Variants in ZDHHC11B observed in about 807,000 individuals in gnomAD.
The protein encoded by ZDHHC11B is zDHHC palmitoyltransferase 11B (putative).
ZDHHC11B carries 17 observed loss-of-function variants against 42.3 expected under a neutral mutation model. The observed-to-expected ratio is 0.40, with a 90% confidence interval of 0.27 to 0.60. ZDHHC11B has a LOEUF of 0.60. Ranked by LOEUF, ZDHHC11B falls within the 20% of genes least tolerant of loss-of-function variation. The pLI is 0.41. For synonymous variants in ZDHHC11B, 123 were observed against 193.5 expected, an observed-to-expected ratio of 0.64 and a Z score of 3.02; for missense variants, 262 against 463.2, an observed-to-expected ratio of 0.57 and a Z score of 3.99.
At chr5:717,557 A>G (rs368613476) in intron 12 of ZDHHC11B, among the ~76,000 whole-genome samples, 2 of 151,846 alleles carry the variant, frequency 1.3e-5, no homozygotes, top group African/African-American at 4.9e-5. Flanking sequence ...AAATCAAAAC[A>G]GCGTATCCAT....
rs1310377318 is a variant in ZDHHC11B at position 766,722 on chromosome 5, G to A, written c.198C>T (p.His66=). 1 of 1,611,156 alleles carries A rather than the reference G, an allele frequency of 6.2e-7. No homozygotes were observed. Among genetic ancestry groups the A allele is most frequent in the Non-Finnish European group, 8.5e-7 (1 of 1,178,480 alleles). ...CCACATAGGCGATGTATTTCCACGA[G>A]TGAGGCAGGAGGGGAATGAAGATCC... ...TFRIFIPLLP[H]SWKYIAYVVT... Residue 66 remains histidine, a synonymous_variant, in exon 4 of 14, where the codon CAC becomes CAT. Coordinates refer to ENST00000508859, the MANE Select transcript of ZDHHC11B (RefSeq NM_001351303.2).
chr5:726,235 G>A (rs1251088065), intron 12 of ZDHHC11B, among the ~76,000 whole-genome samples: 22 of 151,732 alleles, frequency 1.4e-4, no homozygotes, highest in Admixed American at 4.6e-4. Flanking sequence ...GTGGCAAAGC[G>A]TGACATGATT....
At chr5:716,960 A>G in intron 12 of ZDHHC11B, 95 bp from the exon 13 acceptor site, 4 of 1,566,254 alleles carry the variant, frequency 2.6e-6, no homozygotes. Context: ...ACAAGAGTAC[A>G]TTTTAGAGAT....
intron 9 of ZDHHC11B, among the ~76,000 whole-genome samples, chr5:742,448 A>G (rs1223597779): frequency 8.6e-6 from 1 of 115,726 alleles, no homozygotes; most frequent in African/African-American, 3.0e-5. Flanking sequence ...AGGAATGAAC[A>G]CCTGGCTTTA....
Position 774,496 on chromosome 5 carries a change from G to T in ZDHHC11B, c.-229-5566C>A, listed in dbSNP as rs373731168. Among the ~76,000 whole-genome samples the T allele has an allele frequency of 1.8e-4, 27 of 152,198 alleles. 2 individuals are homozygous for T. Among genetic ancestry groups the T allele is most frequent in the Admixed American group, 1.4e-3 (22 of 15,276 alleles). On this transcript the variant is annotated intron_variant, in intron 1 of 13. Transcript: ENST00000508859. ...CCGGGACCTGTCCCTTGGGCCTGGA[G>T]CCTGTTACTAGGACCTGGGGTCTGT...
chr5:764,199 T>C (rs1321856404), intron 4 of ZDHHC11B, among the ~76,000 whole-genome samples: 1 of 151,916 alleles, frequency 6.6e-6, no homozygotes, highest in African/African-American at 2.4e-5. Flanking sequence ...GACCACGCAG[T>C]GGTGTTGAGA....
In ZDHHC11B at chr5:753,085, G is replaced by A. The variant is rs1156903428; in HGVS notation, c.504-1828C>T. Among the ~76,000 whole-genome samples the A allele has an allele frequency of 7.8e-5, 10 of 128,554 alleles. 3 individuals carry two copies. The highest frequency in any genetic ancestry group is 1.6e-4 in the Non-Finnish European group (9 of 56,972). The allele number at this position is 128,554 out of a possible 152,430, so 84.3% of individuals were successfully genotyped here. ...TTAACCTGCAGAGTCCGAGGCCAGC[G>A]CTCGCAGTCTTCCCAGGACACCAGC... is the stretch of plus-strand genomic sequence containing the variant. On this transcript the variant is annotated intron_variant, in intron 6 of 13. Coordinates refer to ENST00000508859, the MANE Select transcript of ZDHHC11B (RefSeq NM_001351303.2).
intron 4 of ZDHHC11B, among the ~76,000 whole-genome samples, chr5:764,109 ACACCTCCCTGCCTG>A (rs1734969114): frequency 6.6e-6 from 1 of 151,918 alleles, no homozygotes; most frequent in Non-Finnish European, 1.5e-5. Context: ...TCCAGCCCCT[ACACCTCCCTGCCTG>A]CACCACAGCG....
In ZDHHC11B at chr5:766,722, G is replaced by C. The variant is rs1310377318; in HGVS notation, c.198C>G (p.His66Gln). The change falls in exon 4 of 14, where the codon CAC (histidine) becomes CAG (glutamine). Residue 66 changes from histidine (H) to glutamine (Q), a missense_variant. His to Gln is a conservative substitution (Grantham distance 24). Coordinates refer to ENST00000508859, the MANE Select transcript of ZDHHC11B (RefSeq NM_001351303.2). ...CCACATAGGCGATGTATTTCCACGA[G>C]TGAGGCAGGAGGGGAATGAAGATCC... The part of the protein sequence containing the change: ...TFRIFIPLLP[H>Q]SWKYIAYVVT... 3 of 1,611,156 alleles carry C rather than the reference G, an allele frequency of 1.9e-6. No individual in the cohort carries two copies. Among genetic ancestry groups the C allele is most frequent in the Non-Finnish European group, 2.5e-6 (3 of 1,178,480 alleles).
rs372861847 is a variant in ZDHHC11B, at chr5:731,722, G to A, written c.1024-1254C>T. On this transcript the variant is annotated intron_variant, in intron 11 of 13. Coordinates refer to ENST00000508859, the MANE Select transcript of ZDHHC11B (RefSeq NM_001351303.2). ...TAAATGCTTAAAGTCAAATGTATCC[G>A]TTTTGTGAAATAGTGTTTTTGGTAT... Among the ~76,000 whole-genome samples, 123 of 151,976 alleles carry A rather than the reference G, an allele frequency of 8.1e-4. 2 individuals carry two copies. Among genetic ancestry groups the A allele is most frequent in the African/African-American group, 2.7e-3 (112 of 41,340 alleles).
intron 1 of ZDHHC11B, among the ~76,000 whole-genome samples, chr5:777,588 A>G (rs564153122): frequency 1.3e-5 from 2 of 152,056 alleles, no homozygotes; most frequent in African/African-American, 4.8e-5. Flanking sequence ...TTATTCCGTT[A>G]TCTGACCCCA....
intron 6 of ZDHHC11B, among the ~76,000 whole-genome samples, chr5:751,537 G>T: frequency 1.8e-5 from 1 of 55,686 alleles, no homozygotes; most frequent in Admixed American, 2.3e-4. Context: ...GGCATCTGGG[G>T]CAGGGGTGGG....
intron 12 of ZDHHC11B, among the ~76,000 whole-genome samples, chr5:728,133 T>C (rs1742731485): frequency 6.6e-6 from 1 of 151,792 alleles, no homozygotes; most frequent in East Asian, 1.9e-4. Flanking sequence ...CAAGAGGAAC[T>C]GTGAAACAGT....
intron 12 of ZDHHC11B, among the ~76,000 whole-genome samples, chr5:721,375 T>G (rs371504311): frequency 1.3e-4 from 19 of 151,652 alleles, no homozygotes; most frequent in East Asian, 5.8e-4. Context: ...ACATTATATA[T>G]ATAGATAGAT....
chr5:737,073 A>G (rs1158500384), intron 10 of ZDHHC11B, among the ~76,000 whole-genome samples: 1 of 149,554 alleles, frequency 6.7e-6, no homozygotes, highest in African/African-American at 2.5e-5. Flanking sequence ...ACCATTAGCA[A>G]CATTAAGCAA....
At position 776,881 on chromosome 5, in the gene ZDHHC11B, C is replaced by T. The variant is rs547111108; in HGVS notation, c.-230+7787G>A. Among the ~76,000 whole-genome samples the T allele has an allele frequency of 5.9e-5, 9 of 151,998 alleles. No individual in the cohort carries two copies. The South Asian group carries it at 8.3e-4, about 14-fold the overall frequency. Reference sequence around the variant, plus strand: ...GATGGTTCTTGTTTTTCACTATCATCGCACGGCCCTCCTGCTCCGCGGGAC... The same window carrying T: ...GATGGTTCTTGTTTTTCACTATCATTGCACGGCCCTCCTGCTCCGCGGGAC... On this transcript the variant is annotated intron_variant, in intron 1 of 13. Coordinates refer to ENST00000508859, the MANE Select transcript of ZDHHC11B (RefSeq NM_001351303.2).
At chr5:769,509 T>TA (rs1458384573) in intron 1 of ZDHHC11B, among the ~76,000 whole-genome samples, 3 of 151,696 alleles carry the variant, frequency 2.0e-5, no homozygotes, top group Non-Finnish European at 4.4e-5. Flanking sequence ...GCTGGCATGG[T>TA]GGAGCTGGGT....
At chr5:773,362 G>A (rs1736211422) in intron 1 of ZDHHC11B, among the ~76,000 whole-genome samples, 1 of 151,856 alleles carries the variant, frequency 6.6e-6, no homozygotes, top group Non-Finnish European at 1.5e-5. Context: ...TCACCGTGAG[G>A]GAAAAGAAGG....
At position 756,203 on chromosome 5, in the gene ZDHHC11B, C is replaced by T. The variant is rs1158829733; in HGVS notation, c.223-59G>A. 1.7e-4 allele frequency: 254 copies of T among 1,490,688 alleles called. 5 individuals carry two copies. The highest frequency in any genetic ancestry group is 2.2e-4 in the Middle Eastern group (1 of 4,498). The allele number at this position is 1,490,688 out of a possible 1,614,324, so 92.3% of individuals were successfully genotyped here. ...TGGTCAGCCTGGCATGAGGCGTCCC[C>T]GTGAGGCCCAAGGTCCCAGAAGAGG... On this transcript the variant is annotated intron_variant, in intron 4 of 13. Coordinates refer to ENST00000508859, the MANE Select transcript of ZDHHC11B (RefSeq NM_001351303.2).
Sources: gnomAD v4.1 joint callset for allele counts (sites outside exome capture counted in the v4.1 genomes callset) on GRCh38, gnomAD v4.1.1 for gene constraint, MANE v1.5 for transcripts, NCBI Gene and HGNC (gene_info 2026-07-23, HGNC 2026-07-21) for gene names.